LYPD6B: variants seen among roughly 807,000 people sequenced by gnomAD.
LYPD6B encodes the protein LY6/PLAUR domain containing 6B.
A neutral mutation model predicts 22.8 loss-of-function variants in LYPD6B; 17 were observed. The observed-to-expected ratio is 0.75, with a 90% CI of 0.51 to 1.12. The LOEUF (loss-of-function observed/expected upper bound fraction) is 1.12. LYPD6B is among the 50% of genes most tolerant of loss of function. The pLI is 0.00. For missense variants in LYPD6B, 221 were observed against 258.3 expected, an observed-to-expected ratio of 0.86 and a Z score of 0.99; for synonymous variants, 106 against 91.6, an observed-to-expected ratio of 1.16 and a Z score of -0.90.
chr2:149,072,442 T>A (rs998763054), intron 1 of LYPD6B, among the ~76,000 whole-genome samples: 1 of 152,088 alleles, frequency 6.6e-6, no homozygotes, highest in South Asian at 2.1e-4. Flanking sequence ...ATAAATGCTA[T>A]GAAGGATAAC....
chr2:149,089,979 G>A (rs181036772), intron 1 of LYPD6B, among the ~76,000 whole-genome samples: 110 of 152,252 alleles, frequency 7.2e-4, no homozygotes, highest in Admixed American at 1.1e-3. Flanking sequence ...CTTACCTCAC[G>A]TTCTTCCTCT....
intron 5 of LYPD6B, among the ~76,000 whole-genome samples, chr2:149,209,426 G>T (rs1693704369): frequency 1.3e-5 from 2 of 152,244 alleles, no homozygotes; most frequent in Admixed American, 1.3e-4. Flanking sequence ...GCTGATGGAT[G>T]AATTGAAATG....
chr2:149,168,392 C>T lies in LYPD6B; in HGVS notation c.77+7557C>T, dbSNP rs533178682. Reference sequence around the variant, plus strand: ...ACGTTCTCATAATCCTCAGTGGCACCTTCTTTAAAGCTTGTTATCAACAAT... The same window carrying T: ...ACGTTCTCATAATCCTCAGTGGCACTTTCTTTAAAGCTTGTTATCAACAAT... On this transcript the variant is annotated intron_variant, in intron 3 of 6. Transcript: ENST00000409642. Among the ~76,000 whole-genome samples, 5 of 152,164 alleles carry T rather than the reference C, an allele frequency of 3.3e-5. No homozygotes were observed. In the East Asian group the frequency reaches 9.7e-4, roughly 29 times the overall value.
At chr2:149,196,091 T>TATATTTA (rs1692791736) in intron 3 of LYPD6B, among the ~76,000 whole-genome samples, 1 of 152,254 alleles carries the variant, frequency 6.6e-6, no homozygotes, top group African/African-American at 2.4e-5. Flanking sequence ...CTATTTAACA[T>TATATTTA]ACATAATTTT....
At chr2:149,065,559 C>G (rs1684282407) in intron 1 of LYPD6B, among the ~76,000 whole-genome samples, 1 of 152,180 alleles carries the variant, frequency 6.6e-6, no homozygotes, top group African/African-American at 2.4e-5. Context: ...GAGCTAGACT[C>G]CAGTTACTTC....
chr2:149,049,421 T>TTTAG (rs1683452144), intron 1 of LYPD6B, among the ~76,000 whole-genome samples: 1 of 152,218 alleles, frequency 6.6e-6, no homozygotes, highest in Non-Finnish European at 1.5e-5. Flanking sequence ...ACTCTTACAA[T>TTTAG]AAGTCTTGTA....
chr2:149,040,007 G>T (rs889152070), intron 1 of LYPD6B, among the ~76,000 whole-genome samples: 1 of 152,132 alleles, frequency 6.6e-6, no homozygotes, highest in African/African-American at 2.4e-5. Context: ...AGTTCCAGAG[G>T]CTCATACAAG....
intron 3 of LYPD6B, among the ~76,000 whole-genome samples, chr2:149,177,728 G>T (rs1021957252): frequency 6.6e-6 from 1 of 152,058 alleles, no homozygotes; most frequent in African/African-American, 2.4e-5. Flanking sequence ...GATGTGCAGA[G>T]ACTGTTTATA....
intron 5 of LYPD6B, among the ~76,000 whole-genome samples, chr2:149,209,178 G>A (rs1023632): frequency 0.31 from 47,533 of 151,892 alleles, 7,505 homozygotes; most frequent in East Asian, 0.36. Context: ...TGTAAAGGTG[G>A]TGAGAAGGCG....
chr2:149,082,852 C>T (rs534021087), intron 1 of LYPD6B, among the ~76,000 whole-genome samples: 4 of 152,144 alleles, frequency 2.6e-5, no homozygotes, highest in African/African-American at 4.8e-5. Flanking sequence ...AGCTTGTCAG[C>T]GGAACCTGAC....
chr2:149,089,160 G>A (rs1474269293), intron 1 of LYPD6B, among the ~76,000 whole-genome samples: 1 of 152,210 alleles, frequency 6.6e-6, no homozygotes, highest in African/African-American at 2.4e-5. Context: ...TTTCAATATT[G>A]AAAGAGTCAT....
At chr2:149,183,454 T>C (rs1022840784) in intron 3 of LYPD6B, among the ~76,000 whole-genome samples, 1 of 151,362 alleles carries the variant, frequency 6.6e-6, no homozygotes, top group African/African-American at 2.4e-5. Context: ...AATTTTTTTT[T>C]CCTGAGACAT....
At position 149,212,997 on chromosome 2, in the gene LYPD6B, C is replaced by T. The variant is rs768569062; in HGVS notation, c.334C>T (p.Gln112Ter). Reference sequence around the variant, plus strand: ...TTTTGTTTCCTCTTGCCTAGATACACAGTACTGTTTGACAGTTCATCACTT... The same window carrying T: ...TTTTGTTTCCTCTTGCCTAGATACATAGTACTGTTTGACAGTTCATCACTT... ...AEDKWCPQNT[Q>*]YCLTVHHFTS... Residue 112 changes from glutamine to a stop codon, truncating the protein, a stop_gained, in exon 6 of 7, where the codon CAG (glutamine) becomes TAG (stop). Transcript: ENST00000409642. LOFTEE classifies it high-confidence loss of function. 1.1e-5 allele frequency: 18 copies of T among 1,613,666 alleles called. No individual in the cohort carries two copies. Among genetic ancestry groups the T allele is most frequent in the Non-Finnish European group, 1.4e-5 (17 of 1,179,792 alleles).
At position 149,086,022 on chromosome 2, in the gene LYPD6B, T is replaced by A. The variant is rs191777883; in HGVS notation, c.-66-44861T>A. Among the ~76,000 whole-genome samples, 8 of 152,248 alleles carry A rather than the reference T, an allele frequency of 5.3e-5. No homozygotes were observed. The East Asian group carries it at 1.6e-3, about 30-fold the overall frequency. On this transcript the variant is annotated intron_variant, in intron 1 of 6. Coordinates refer to ENST00000409642, the MANE Select transcript of LYPD6B (RefSeq NM_177964.5). ...TGCATTAAAAACAACTCCATCAAAA[T>A]CCAGAGCATTGCCAGGCGGAAGGCT...
intron 3 of LYPD6B, among the ~76,000 whole-genome samples, chr2:149,185,467 A>G (rs1053699613): frequency 1.3e-5 from 2 of 152,172 alleles, no homozygotes; most frequent in African/African-American, 2.4e-5. Context: ...TGGTTTTGGC[A>G]TAGGTGGTTT....
chr2:149,179,409 T>C (rs974382667), intron 3 of LYPD6B, among the ~76,000 whole-genome samples: 5 of 152,226 alleles, frequency 3.3e-5, no homozygotes, highest in Admixed American at 1.3e-4. Context: ...GAATTACTTA[T>C]GATGTATAGA....
intron 3 of LYPD6B, among the ~76,000 whole-genome samples, chr2:149,163,830 G>T (rs189589698): frequency 1.8e-3 from 272 of 152,148 alleles, no homozygotes; most frequent in African/African-American, 6.3e-3. Context: ...TCAACAATTG[G>T]GTCTATGAAA....
intron 1 of LYPD6B, among the ~76,000 whole-genome samples, chr2:149,075,708 AAG>A (rs1684850745): frequency 6.6e-6 from 1 of 152,338 alleles, no homozygotes; most frequent in East Asian, 1.9e-4. Context: ...TCTTAACAAA[AAG>A]AAAAGTATAA....
chr2:149,042,335 G>A (rs2105248989), intron 1 of LYPD6B, among the ~76,000 whole-genome samples: 1 of 152,324 alleles, frequency 6.6e-6, no homozygotes, highest in Non-Finnish European at 1.5e-5. Context: ...GGTAGACATT[G>A]GTGGACATTG....
Sources: gnomAD v4.1 joint callset for allele counts (sites outside exome capture counted in the v4.1 genomes callset) on GRCh38, gnomAD v4.1.1 for gene constraint, MANE v1.5 for transcripts, NCBI Gene and HGNC (gene_info 2026-07-23, HGNC 2026-07-21) for gene names.